Variants in SLC5A12 observed in about 807,000 individuals in gnomAD.
SLC5A12 encodes the protein sodium-coupled monocarboxylate transporter 2.
In SLC5A12, 46 loss-of-function variants were observed where a neutral mutation model predicts 72.7. The observed-to-expected ratio is 0.63, with a 90% confidence interval of 0.50 to 0.81. The LOEUF is 0.81. SLC5A12 is among the 30% of genes least tolerant of loss of function. The pLI is 0.00. For synonymous variants in SLC5A12, 275 were observed against 264.4 expected (o/e 1.04, Z -0.39); for missense variants, 683 against 740.7 (o/e 0.92, Z 0.90).
Position 26,721,565 on chromosome 11 carries a change from A to G in SLC5A12, c.150T>C (p.Phe50=). Reference sequence around the variant, plus strand: ...CTGTCAGAGACAAGCCGACAGGGCCAAAGCTCATTTGCCTTCCCCCAACCA... The same window carrying G: ...CTGTCAGAGACAAGCCGACAGGGCCGAAGCTCATTTGCCTTCCCCCAACCA... ...EFLVGGRQMS[F]GPVGLSLTAS... The change falls in exon 1 of 15, where the codon TTT becomes TTC. Residue 50 remains phenylalanine, a synonymous_variant. Coordinates refer to ENST00000396005, the MANE Select transcript of SLC5A12 (RefSeq NM_178498.4). The G allele has an allele frequency of 1.2e-6, 2 of 1,614,170 alleles. No homozygotes were observed. The highest frequency in any genetic ancestry group is 1.7e-5 in the Admixed American group (1 of 60,016).
intron 8 of SLC5A12, among the ~76,000 whole-genome samples, chr11:26,693,172 A>G (rs1854724481): frequency 6.6e-6 from 1 of 152,352 alleles, no homozygotes; most frequent in South Asian, 2.1e-4. Flanking sequence ...CTGTAAGAAC[A>G]TACAGAGACC....
rs910501940 is a variant in SLC5A12 at position 26,667,634 on chromosome 11, AAAT to A, written c.*3465_*3467del. 3.0e-4 allele frequency: 46 copies of A among 151,936 alleles called. No homozygotes were observed. Among genetic ancestry groups the A allele is most frequent in the African/African-American group, 1.1e-3 (45 of 41,542 alleles). 9.4% of individuals were successfully genotyped at this position (151,936 alleles called of 1,614,324 possible). On this transcript the variant is annotated 3_prime_UTR_variant, in exon 15 of 15. Coordinates refer to ENST00000396005, the MANE Select transcript of SLC5A12 (RefSeq NM_178498.4). ...TTATTTATCAAGGTTTACATGTACA[AAAT>A]AATAATAAATCATAGTAATGAATTG... is the stretch of plus-strand genomic sequence containing the variant.
intron 4 of SLC5A12, among the ~76,000 whole-genome samples, chr11:26,704,676 T>C (rs982014683): frequency 6.6e-6 from 1 of 152,062 alleles, no homozygotes; most frequent in Non-Finnish European, 1.5e-5. Flanking sequence ...GATTGACAGA[T>C]AGAGGTAAGG....
rs1854020820 is a variant in SLC5A12 at position 26,667,397 on chromosome 11, C to G, written c.*3705G>C. ...TTTCAGTAATATTCTCTTTGAAATACTGTTTGAAAGCCACATGGCCAATGG... is the reference window on the plus strand; with the variant it reads ...TTTCAGTAATATTCTCTTTGAAATAGTGTTTGAAAGCCACATGGCCAATGG... On this transcript the variant is annotated 3_prime_UTR_variant, in exon 15 of 15. Transcript: ENST00000396005. 1 of 151,946 alleles carries G rather than the reference C, an allele frequency of 6.6e-6. No individual in the cohort carries two copies. Among genetic ancestry groups the G allele is most frequent in the Non-Finnish European group, 1.5e-5 (1 of 67,894 alleles). 9.4% of individuals were successfully genotyped at this position (151,946 alleles called of 1,614,324 possible). A position where few individuals can be genotyped will look rare whatever the true frequency, so the allele number is the denominator to read the frequency against.
chr11:26,689,988 G>C (rs1481301792), intron 9 of SLC5A12, among the ~76,000 whole-genome samples: 2 of 152,130 alleles, frequency 1.3e-5, no homozygotes. Flanking sequence ...AGAGAGCAAA[G>C]GGGAGGAAGG....
chr11:26,711,240 A>T, intron 3 of SLC5A12, 67 bp downstream of exon 3: 2 of 1,303,338 alleles, frequency 1.5e-6, no homozygotes, highest in Non-Finnish European at 2.2e-6. Context: ...TTTTATTTCT[A>T]ATTCTGCAAG....
At chr11:26,691,562 A>T (rs1854674704) in intron 9 of SLC5A12, 1 of 152,142 alleles carries the variant, frequency 6.6e-6, no homozygotes, top group African/African-American at 2.4e-5. Flanking sequence ...ATACTGTATA[A>T]TCATTCAAAT....
intron 2 of SLC5A12, among the ~76,000 whole-genome samples, chr11:26,712,376 T>C (rs1195964504): frequency 7.9e-5 from 12 of 152,048 alleles, no homozygotes; most frequent in Admixed American, 7.9e-4. Flanking sequence ...CTAGAGCAAC[T>C]TATGCAGGTT....
At chr11:26,675,093 C>T (rs1461098278) in intron 13 of SLC5A12, among the ~76,000 whole-genome samples, 1 of 152,120 alleles carries the variant, frequency 6.6e-6, no homozygotes, top group African/African-American at 2.4e-5. Flanking sequence ...ATCTCTGAAT[C>T]AGAATAATTT....
At position 26,703,676 on chromosome 11, in the gene SLC5A12, G is replaced by A. The variant is rs967749597; in HGVS notation, c.681-5C>T. The A allele has an allele frequency of 1.2e-6, 2 of 1,613,842 alleles. No individual in the cohort carries two copies. Among genetic ancestry groups the A allele is most frequent in the South Asian group, 2.2e-5 (2 of 91,084 alleles). ...CTGAGAGGATCTACATCAAAGCTAT[G>A]AGACAGAGAGAAATGAGTGAACAAA... On this transcript the variant is annotated splice_polypyrimidine_tract_variant and splice_region_variant and intron_variant, in intron 5 of 14. Coordinates refer to ENST00000396005, the MANE Select transcript of SLC5A12 (RefSeq NM_178498.4).
Position 26,670,283 on chromosome 11 carries a change from C to T in SLC5A12, c.*819G>A, listed in dbSNP as rs1393305645. 6.6e-6 allele frequency: 1 copy of T among 152,104 alleles called. No individual in the cohort carries two copies. The highest frequency in any genetic ancestry group is 1.5e-5 in the Non-Finnish European group (1 of 68,020). The allele number at this position is 152,104 out of a possible 1,614,324, so 9.4% of individuals were successfully genotyped here. ...TACCAAATTCTATCCTAACAACCTT[C>T]TATAGGACATTCCTTTTCTCTTTCC... On this transcript the variant is annotated 3_prime_UTR_variant, in exon 15 of 15. Transcript: ENST00000396005.
Position 26,713,171 on chromosome 11 carries a change from T to G in SLC5A12, c.340-465A>C, listed in dbSNP as rs1021296796. ...CATATCAATTCTTTGAAAGCAGAGC[T>G]CTGATCATGCTGCTCTTTTTCTCAA... is the stretch of plus-strand genomic sequence containing the variant. On this transcript the variant is annotated intron_variant, in intron 1 of 14. Transcript: ENST00000396005. Among the ~76,000 whole-genome samples, 3 of 152,258 alleles carry G rather than the reference T, an allele frequency of 2.0e-5. No homozygotes were observed. The East Asian group carries it at 5.8e-4, about 29-fold the overall frequency.
At chr11:26,671,333 T>G in intron 14 of SLC5A12, 82 bp from the exon 15 acceptor site, 96 of 1,219,464 alleles carry the variant, frequency 7.9e-5, no homozygotes, top group Non-Finnish European at 7.0e-5. Flanking sequence ...GTTTAGGCCT[T>G]GGCTTCAAAA....
At chr11:26,673,218 A>G (rs1385287177) in intron 14 of SLC5A12, among the ~76,000 whole-genome samples, 184 bp downstream of exon 14, 2 of 152,202 alleles carry the variant, frequency 1.3e-5, no homozygotes, top group Admixed American at 1.3e-4. Context: ...TTTACCTATC[A>G]ACATATTTAT....
chr11:26,703,444 ACACCCC>A (rs1855008772), intron 6 of SLC5A12, 81 bp downstream of exon 6: 370 of 1,361,946 alleles, frequency 2.7e-4, no homozygotes, highest in East Asian at 1.2e-3. Flanking sequence ...ACACACACAC[ACACCCC>A]CCAAGAGGAA....
intron 2 of SLC5A12, among the ~76,000 whole-genome samples, chr11:26,711,718 T>C (rs1000388781): frequency 1.7e-4 from 26 of 152,090 alleles, no homozygotes; most frequent in African/African-American, 6.0e-4. Flanking sequence ...ACCGACTTCA[T>C]GAGGAGCTTT....
chr11:26,704,918 A>G (rs769793086), intron 4 of SLC5A12, among the ~76,000 whole-genome samples: 1 of 152,106 alleles, frequency 6.6e-6, no homozygotes, highest in Non-Finnish European at 1.5e-5. Context: ...CCAGACATTC[A>G]TAGAGGAATG....
In SLC5A12 at chr11:26,671,054, T is replaced by TGTGTGTGTGTGTGC; in HGVS notation, c.*47_*48insGCACACACACACAC. The stretch of plus-strand genomic sequence containing the variant: ...GCAAGAAGTATGTGGAGTTTGTGTG[T>TGTGTGTGTGTGTGC]GTGTGTGTGTATTGCACGTGTGTGT... On this transcript the variant is annotated 3_prime_UTR_variant, in exon 15 of 15. Coordinates refer to ENST00000396005, the MANE Select transcript of SLC5A12 (RefSeq NM_178498.4). 1 of 1,535,456 alleles carries TGTGTGTGTGTGTGC rather than the reference T, an allele frequency of 6.5e-7. No individual in the cohort carries two copies. The highest frequency in any genetic ancestry group is 8.9e-7 in the Non-Finnish European group (1 of 1,128,200).
At chr11:26,703,329 C>T (rs1034963223) in intron 6 of SLC5A12, among the ~76,000 whole-genome samples, 2 of 151,312 alleles carry the variant, frequency 1.3e-5, no homozygotes, top group Non-Finnish European at 2.9e-5. Context: ...CACCCCACCT[C>T]TGCCACTTCC....
Sources: allele counts gnomAD v4.1 joint callset (sites outside exome capture counted in the v4.1 genomes callset), GRCh38; gene constraint gnomAD v4.1.1; transcripts MANE v1.5; gene names NCBI Gene and HGNC (gene_info 2026-07-23, HGNC 2026-07-21).